The following C13orf46 variants were observed in gnomAD, a reference collection of about 807,000 sequenced individuals.
C13orf46 encodes the protein chromosome 13 open reading frame 46, also known as uncharacterized protein C13orf46.
chr13:113,931,915 G>A, the C13orf46 span, among the ~76,000 whole-genome samples: 1 of 150,610 alleles, frequency 6.6e-6, no homozygotes, highest in African/African-American at 2.4e-5. Flanking sequence ...TCGAGACCAT[G>A]GACATCCCCT....
chr13:113,931,483 C>T, the C13orf46 span, among the ~76,000 whole-genome samples: 1 of 152,206 alleles, frequency 6.6e-6, no homozygotes, highest in Non-Finnish European at 1.5e-5. Context: ...GAGTACACCC[C>T]TCCCTTGGCG....
the C13orf46 span, among the ~76,000 whole-genome samples, chr13:113,948,508 G>GA: frequency 5.3e-5 from 8 of 152,212 alleles, no homozygotes; most frequent in Non-Finnish European, 1.0e-4. Flanking sequence ...ACTGGGCCAC[G>GA]AAACTGACAC....
intron 6 of C13orf46, among the ~76,000 whole-genome samples, chr13:113,957,440 C>T (rs1483141579): frequency 6.9e-6 from 1 of 144,894 alleles, no homozygotes; most frequent in Non-Finnish European, 1.5e-5. Context: ...GGGGGTCTCC[C>T]CTGCACTCTG....
chr13:113,955,969 G>T lies in C13orf46; in HGVS notation c.*804C>A. The T allele has an allele frequency of 6.3e-6, 1 of 159,556 alleles. No individual in the cohort carries two copies. The highest frequency in any genetic ancestry group is 1.4e-5 in the Non-Finnish European group (1 of 73,524). 9.9% of individuals were successfully genotyped at this position (159,556 alleles called of 1,614,324 possible). A position where few individuals can be genotyped will look rare whatever the true frequency, so the allele number is the denominator to read the frequency against. ...TGGCGGAGACGAGGAGGAGCATCTG[G>T]CGGAGACGAGGAGTAGGATCTGGCA... On this transcript the variant is annotated 3_prime_UTR_variant, in exon 7 of 7. Transcript: ENST00000636427.
At chr13:113,961,270 A>G (rs1281018964) in intron 6 of C13orf46, among the ~76,000 whole-genome samples, 7 of 152,054 alleles carry the variant, frequency 4.6e-5, no homozygotes, top group Non-Finnish European at 1.0e-4. Flanking sequence ...ATTGATATAA[A>G]TGTTCTAAAA....
chr13:113,946,584 C>T, the C13orf46 span, among the ~76,000 whole-genome samples: 1 of 152,240 alleles, frequency 6.6e-6, no homozygotes, highest in Non-Finnish European at 1.5e-5. Flanking sequence ...CTGTGGGTGG[C>T]AGCTGCTGGT....
intron 5 of C13orf46, among the ~76,000 whole-genome samples, chr13:113,966,724 T>C (rs2052654070): frequency 1.3e-5 from 2 of 151,916 alleles, no homozygotes; most frequent in African/African-American, 2.4e-5. Context: ...GGGATGATGT[T>C]GCTGGTGGTG....
At chr13:113,958,515 G>C (rs1176503819) in intron 6 of C13orf46, among the ~76,000 whole-genome samples, 2 of 152,184 alleles carry the variant, frequency 1.3e-5, no homozygotes, top group Non-Finnish European at 2.9e-5. Flanking sequence ...GCCGCGGTTC[G>C]TGATTACGCC....
Position 113,954,770 on chromosome 13 carries a change from G to T in C13orf46, c.*2003C>A, listed in dbSNP as rs1016530713. On this transcript the variant is annotated 3_prime_UTR_variant, in exon 7 of 7. Coordinates refer to ENST00000636427, the MANE Select transcript of C13orf46 (RefSeq NM_001365455.2). ...AAGAGGCCAGGGCAGGAAGGGGCTG[G>T]AGTCCTCCAGCTGGTGGAGACGAGG... is the stretch of plus-strand genomic sequence containing the variant. 3 of 197,040 alleles carry T rather than the reference G, an allele frequency of 1.5e-5. No homozygotes were observed. The highest frequency in any genetic ancestry group is 3.1e-5 in the Non-Finnish European group (3 of 96,958). The allele number at this position is 197,040 out of a possible 1,614,324, so 12.2% of individuals were successfully genotyped here.
At position 113,955,085 on chromosome 13, in the gene C13orf46, G is replaced by T; in HGVS notation, c.*1688C>A. On this transcript the variant is annotated 3_prime_UTR_variant, in exon 7 of 7. Coordinates refer to ENST00000636427, the MANE Select transcript of C13orf46 (RefSeq NM_001365455.2). The stretch of plus-strand genomic sequence containing the variant: ...CGGCGGGGATGAGGAGCATCCAGTG[G>T]GGATGAGGAGCAGCTGGTGGAGAGG... 1 of 221,866 alleles carries T rather than the reference G, an allele frequency of 4.5e-6. No homozygotes were observed. Among genetic ancestry groups the T allele is most frequent in the Non-Finnish European group, 8.8e-6 (1 of 113,806 alleles). 13.7% of individuals were successfully genotyped at this position (221,866 alleles called of 1,614,324 possible). A position where few individuals can be genotyped will look rare whatever the true frequency, so the allele number is the denominator to read the frequency against.
At chr13:113,939,325 A>G in the C13orf46 span, among the ~76,000 whole-genome samples, 1 of 150,138 alleles carries the variant, frequency 6.7e-6, no homozygotes, top group East Asian at 1.9e-4. Context: ...CCAGAAGGGG[A>G]CCACCCGATG....
chr13:113,955,322 C>G lies in C13orf46; in HGVS notation c.*1451G>C. 1 of 137,742 alleles carries G rather than the reference C, an allele frequency of 7.3e-6. No homozygotes were observed. The highest frequency in any genetic ancestry group is 1.5e-5 in the Non-Finnish European group (1 of 68,606). The allele number at this position is 137,742 out of a possible 1,614,324, so 8.5% of individuals were successfully genotyped here. A position where few individuals can be genotyped will look rare whatever the true frequency, so the allele number is the denominator to read the frequency against. On this transcript the variant is annotated 3_prime_UTR_variant, in exon 7 of 7. Transcript: ENST00000636427. Reference sequence around the variant, plus strand: ...AGTATCTGGCAGAGAGGAGTAGTATCTGGTGGAGAGGAGGAGTAGTATCTG... The same window carrying G: ...AGTATCTGGCAGAGAGGAGTAGTATGTGGTGGAGAGGAGGAGTAGTATCTG...
chr13:113,945,575 A>AAGAAAGAAAGAGAGAGAGAG, the C13orf46 span, among the ~76,000 whole-genome samples: 1 of 89,144 alleles, frequency 1.1e-5, no homozygotes, highest in African/African-American at 4.2e-5. Context: ...GAAAGAAAGA[A>AAGAAAGAAAGAGAGAGAGAG]AGAGAGAGAG....
chr13:113,953,066 C>T (rs948035449), downstream of C13orf46, among the ~76,000 whole-genome samples: 98 of 152,368 alleles, frequency 6.4e-4, 1 homozygote, highest in East Asian at 0.014. Context: ...CCATCCTGGA[C>T]GCTGACTGCC....
chr13:113,935,157 G>T, the C13orf46 span, among the ~76,000 whole-genome samples: 1 of 152,236 alleles, frequency 6.6e-6, no homozygotes. Context: ...GGCCAGTGGC[G>T]AGAGGGCCTG....
chr13:113,946,808 C>T, the C13orf46 span, among the ~76,000 whole-genome samples: 1 of 152,288 alleles, frequency 6.6e-6, no homozygotes, highest in Non-Finnish European at 1.5e-5. Context: ...AGGAGGAAAC[C>T]TGCGCCCGGC....
chr13:113,945,575 A>AAGAAAGAGAGAGAGAG, the C13orf46 span, among the ~76,000 whole-genome samples: 4 of 89,144 alleles, frequency 4.5e-5, no homozygotes, highest in Admixed American at 1.1e-4. Flanking sequence ...GAAAGAAAGA[A>AAGAAAGAGAGAGAGAG]AGAGAGAGAG....
chr13:113,949,251 T>C (rs965745375), downstream of C13orf46, among the ~76,000 whole-genome samples: 3 of 152,360 alleles, frequency 2.0e-5, no homozygotes, highest in East Asian at 5.8e-4. Context: ...GTTTCCTTCA[T>C]AATAAGCATG....
chr13:113,961,650 G>A (rs1249500031), intron 6 of C13orf46, among the ~76,000 whole-genome samples: 2 of 152,032 alleles, frequency 1.3e-5, no homozygotes, highest in East Asian at 3.9e-4. Flanking sequence ...CAAAAAGGTG[G>A]GAAATATTAA....
Sources: allele counts gnomAD v4.1 joint callset (sites outside exome capture counted in the v4.1 genomes callset), GRCh38; gene constraint gnomAD v4.1.1; transcripts MANE v1.5; gene names NCBI Gene and HGNC (gene_info 2026-07-23, HGNC 2026-07-21).